The following ARSB variants were observed in gnomAD, a reference collection of about 807,000 sequenced individuals.
ARSB encodes the protein arylsulfatase B.
ARSB carries 41 observed loss-of-function variants against 50.9 expected under a neutral mutation model. The ratio of observed to expected loss-of-function variants is 0.81; its 90% confidence interval spans 0.63 to 1.04. ARSB has a LOEUF of 1.04. Ranked by LOEUF, ARSB falls within the 50% of genes least tolerant of loss-of-function variation. The pLI is 0.00. For synonymous variants in ARSB, 269 were observed against 284.8 expected (o/e 0.94, Z 0.56); for missense variants, 672 against 693.3 (o/e 0.97, Z 0.35).
At position 78,985,100 on chromosome 5, in the gene ARSB, A is replaced by G; in HGVS notation, c.149T>C (p.Leu50Ser). Residue 50 changes from leucine (L) to serine (S), a missense_variant, in exon 1 of 8, where the codon TTG becomes TCG. Coordinates refer to ENST00000264914, the MANE Select transcript of ARSB (RefSeq NM_000046.5). ...GTTCCAGCCTAGGTCGTCTGCCAGC[A>G]AGAAGACCAGGTGGGGCGGCCGGCT... ...GASRPPHLVFLLADDLGWNDV... is the reference protein window; with the variant it reads ...GASRPPHLVFSLADDLGWNDV... The G allele has an allele frequency of 1.3e-6, 2 of 1,521,850 alleles. No individual in the cohort carries two copies. The highest frequency in any genetic ancestry group is 1.2e-5 in the South Asian group (1 of 81,002). The allele number at this position is 1,521,850 out of a possible 1,614,324, so 94.3% of individuals were successfully genotyped here.
At chr5:78,901,575 G>C (rs1286675866) in intron 4 of ARSB, among the ~76,000 whole-genome samples, 1 of 148,708 alleles carries the variant, frequency 6.7e-6, no homozygotes, top group Non-Finnish European at 1.5e-5. Context: ...AATAATGCTA[G>C]AGTATTCTGA....
At chr5:78,793,223 T>C (rs1417390734) in intron 6 of ARSB, among the ~76,000 whole-genome samples, 1 of 152,190 alleles carries the variant, frequency 6.6e-6, no homozygotes, top group Admixed American at 6.5e-5. Flanking sequence ...CCTCACCAGG[T>C]AGCCCATGTC....
intron 4 of ARSB, among the ~76,000 whole-genome samples, chr5:78,937,506 G>A (rs1213575386): frequency 2.0e-5 from 3 of 148,420 alleles, no homozygotes; most frequent in Non-Finnish European, 3.0e-5. Context: ...AGGCCACAGT[G>A]CTCTCTTCTC....
intron 4 of ARSB, among the ~76,000 whole-genome samples, chr5:78,912,313 T>A (rs928915383): frequency 6.6e-6 from 1 of 152,222 alleles, no homozygotes; most frequent in Non-Finnish European, 1.5e-5. Context: ...TTTCTCATAC[T>A]CCATCAACGA....
chr5:78,834,217 A>G (rs1744827798), intron 6 of ARSB, among the ~76,000 whole-genome samples: 1 of 152,208 alleles, frequency 6.6e-6, no homozygotes. Context: ...TTTTGGAAGG[A>G]GGGAAAGTTA....
intron 4 of ARSB, among the ~76,000 whole-genome samples, chr5:78,934,184 G>T (rs1750481438): frequency 6.6e-6 from 1 of 152,182 alleles, no homozygotes; most frequent in African/African-American, 2.4e-5. Flanking sequence ...TGGCATCCTG[G>T]AACATCAATA....
intron 3 of ARSB, among the ~76,000 whole-genome samples, chr5:78,957,540 T>C (rs1751784400): frequency 6.6e-6 from 1 of 152,132 alleles, no homozygotes; most frequent in Non-Finnish European, 1.5e-5. Flanking sequence ...GGAGTGAAAA[T>C]GATGATAATG....
At chr5:78,878,938 C>G (rs1257200496) in intron 5 of ARSB, among the ~76,000 whole-genome samples, 3 of 152,024 alleles carry the variant, frequency 2.0e-5, no homozygotes, top group Admixed American at 6.6e-5. Flanking sequence ...ACTGTAGCCT[C>G]AAGCTCCTGG....
intron 4 of ARSB, among the ~76,000 whole-genome samples, chr5:78,897,687 TCTC>T (rs1252762218): frequency 6.6e-6 from 1 of 152,110 alleles, no homozygotes; most frequent in South Asian, 2.1e-4. Flanking sequence ...TATAATCAGA[TCTC>T]CTGGTAAGTA....
chr5:78,985,395 G>A (rs563884304), upstream of ARSB: 6 of 755,806 alleles, frequency 7.9e-6, no homozygotes, highest in Non-Finnish European at 1.1e-5. Flanking sequence ...CCGGGCGCTC[G>A]GCCCCCGCCG....
At position 78,780,306 on chromosome 5, in the gene ARSB, C is replaced by G; in HGVS notation, c.*91G>C. The G allele has an allele frequency of 6.3e-7, 1 of 1,582,444 alleles. No individual in the cohort carries two copies. On this transcript the variant is annotated 3_prime_UTR_variant, in exon 8 of 8. Coordinates refer to ENST00000264914, the MANE Select transcript of ARSB (RefSeq NM_000046.5). ...AAGAGCAAGAGAAGGGCCAAGTGAA[C>G]CCAGGTTGGGATAACAAATGAGACA... is the stretch of plus-strand genomic sequence containing the variant.
At position 78,984,996 on chromosome 5, in the gene ARSB, A is replaced by G. The variant is rs1554032129; in HGVS notation, c.253T>C (p.Tyr85His). The G allele has an allele frequency of 6.5e-7, 1 of 1,536,170 alleles. No individual in the cohort carries two copies. The highest frequency in any genetic ancestry group is 8.7e-7 in the Non-Finnish European group (1 of 1,144,702). ...GGCGTGCACAGCGGCTGCGTGTAGTAGTTGTCCAGGAGCACCCCGCCGGCC... is the reference window on the plus strand; with the variant it reads ...GGCGTGCACAGCGGCTGCGTGTAGTGGTTGTCCAGGAGCACCCCGCCGGCC... ...LAAGGVLLDN[Y>H]YTQPLCTPSR... The change falls in exon 1 of 8, where the codon TAC (tyrosine) becomes CAC (histidine). Residue 85 changes from tyrosine to histidine, a missense_variant. Coordinates refer to ENST00000264914, the MANE Select transcript of ARSB (RefSeq NM_000046.5).
intron 5 of ARSB, among the ~76,000 whole-genome samples, chr5:78,870,890 T>C (rs1325661634): frequency 6.6e-6 from 1 of 152,160 alleles, no homozygotes; most frequent in African/African-American, 2.4e-5. Flanking sequence ...TGTTTGCAGA[T>C]TACATGATTG....
chr5:78,972,543 A>ACACACACACACACACACACACACACACAC (rs1361695118), intron 1 of ARSB, among the ~76,000 whole-genome samples: 2 of 150,302 alleles, frequency 1.3e-5, no homozygotes, highest in African/African-American at 4.9e-5. Flanking sequence ...ACACACACAC[A>ACACACACACACACACACACACACACACAC]CCCCAAATCA....
At position 78,898,527 on chromosome 5, in the gene ARSB, A is replaced by C. The variant is rs1436088510; in HGVS notation, c.899-12700T>G. 2.0e-5 allele frequency among the ~76,000 whole-genome samples: 3 copies of C among 152,224 alleles called. No individual in the cohort carries two copies. In the East Asian group the frequency reaches 5.8e-4, roughly 29 times the overall value. On this transcript the variant is annotated intron_variant, in intron 4 of 7. Transcript: ENST00000264914. ...AATCTTTAACAATATTTAGGAAATC[A>C]AATTTAGCTTTATATAAAAAAACAT...
intron 1 of ARSB, among the ~76,000 whole-genome samples, chr5:78,973,890 G>A (rs1752556764): frequency 6.6e-6 from 1 of 152,144 alleles, no homozygotes; most frequent in African/African-American, 2.4e-5. Flanking sequence ...CCACATATGT[G>A]TGCAATACCT....
intron 3 of ARSB, among the ~76,000 whole-genome samples, chr5:78,961,290 T>C (rs1561528612): frequency 6.6e-6 from 1 of 152,238 alleles, no homozygotes; most frequent in Non-Finnish European, 1.5e-5. Flanking sequence ...ATTGAAAATG[T>C]AAACATGTAT....
chr5:78,891,210 T>A (rs16876045), intron 4 of ARSB, among the ~76,000 whole-genome samples: 30,340 of 152,210 alleles, frequency 0.2, 3,205 homozygotes, highest in South Asian at 0.3. Flanking sequence ...TTGTTTTTTC[T>A]AAGCCTTTGT....
intron 5 of ARSB, among the ~76,000 whole-genome samples, chr5:78,865,913 G>A (rs1462315938): frequency 6.6e-6 from 1 of 152,102 alleles, no homozygotes; most frequent in Non-Finnish European, 1.5e-5. Flanking sequence ...CCTCAGCCTG[G>A]ATTTCATTGT....
Sources: allele counts gnomAD v4.1 joint callset (sites outside exome capture counted in the v4.1 genomes callset), GRCh38; gene constraint gnomAD v4.1.1; transcripts MANE v1.5; gene names NCBI Gene and HGNC (gene_info 2026-07-23, HGNC 2026-07-21).